The following PGCKA1 variants were observed in gnomAD, a reference collection of about 807,000 sequenced individuals.
PGCKA1 encodes the protein PDCD10 and GCKIII kinases-associated protein 1.
the PGCKA1 span, among the ~76,000 whole-genome samples, chr4:37,473,972 G>C: frequency 6.6e-6 from 1 of 152,164 alleles, no homozygotes; most frequent in Non-Finnish European, 1.5e-5. Context: ...CCACTGATGT[G>C]CTCTCCTTTC....
chr4:37,554,664 A>C, the PGCKA1 span, among the ~76,000 whole-genome samples: 112 of 152,324 alleles, frequency 7.4e-4, no homozygotes, highest in African/African-American at 2.4e-3. Flanking sequence ...TATTTTAAAT[A>C]GAGTAATTAC....
the PGCKA1 span, among the ~76,000 whole-genome samples, chr4:37,501,202 T>C: frequency 1.3e-5 from 2 of 152,020 alleles, no homozygotes; most frequent in African/African-American, 4.8e-5. Context: ...GGTTGCTTTA[T>C]AGCAGGGGTC....
At chr4:37,460,193 T>C in the PGCKA1 span, among the ~76,000 whole-genome samples, 1 of 152,250 alleles carries the variant, frequency 6.6e-6, no homozygotes, top group Admixed American at 6.5e-5. Flanking sequence ...CTGTATAGTA[T>C]TCTGTGGTGT....
the PGCKA1 span, among the ~76,000 whole-genome samples, chr4:37,544,838 T>TC: frequency 6.6e-6 from 1 of 151,950 alleles, no homozygotes; most frequent in African/African-American, 2.4e-5. Context: ...GGTTCTTTTT[T>TC]GTTTTTTTTT....
chr4:37,498,990 T>G, the PGCKA1 span, among the ~76,000 whole-genome samples: 519 of 152,332 alleles, frequency 3.4e-3, 5 homozygotes, highest in African/African-American at 0.012. Context: ...TATTTTGAAG[T>G]ATGTTCCTTC....
At chr4:37,497,844 G>A in the PGCKA1 span, among the ~76,000 whole-genome samples, 1 of 152,186 alleles carries the variant, frequency 6.6e-6, no homozygotes, top group Admixed American at 6.5e-5. Context: ...TGTTTACTCT[G>A]CTGACTGTTC....
the PGCKA1 span, among the ~76,000 whole-genome samples, chr4:37,508,683 C>CTTTTTTTTTTTTTTTTTTTTTTT: frequency 3.5e-3 from 294 of 84,432 alleles, 24 homozygotes; most frequent in Non-Finnish European, 4.7e-3. Flanking sequence ...TTTGCTGAAT[C>CTTTTTTTTTTTTTTTTTTTTTTT]TTTTTTTTAG....
At chr4:37,469,026 T>C in the PGCKA1 span, among the ~76,000 whole-genome samples, 1 of 152,204 alleles carries the variant, frequency 6.6e-6, no homozygotes, top group Non-Finnish European at 1.5e-5. Context: ...CTTAAGATTA[T>C]AATACCGTAT....
At chr4:37,565,931 G>A in the PGCKA1 span, among the ~76,000 whole-genome samples, 1 of 152,140 alleles carries the variant, frequency 6.6e-6, no homozygotes, top group African/African-American at 2.4e-5. Flanking sequence ...GTCAAAAGGT[G>A]AGACTAGCCT....
chr4:37,591,523 A>G, the PGCKA1 span: 1 of 152,668 alleles, frequency 6.6e-6, no homozygotes, highest in Non-Finnish European at 1.5e-5. Flanking sequence ...CACCCAGGGA[A>G]CTAATAACTA....
the PGCKA1 span, among the ~76,000 whole-genome samples, chr4:37,581,655 C>G: frequency 6.6e-6 from 1 of 152,100 alleles, no homozygotes; most frequent in East Asian, 1.9e-4. This position sits in a 1 kb window ranked among gnomAD's most constrained non-coding sequence, Gnocchi z 4.4. Flanking sequence ...CTGTCTTTTC[C>G]TCAAGCACAA....
the PGCKA1 span, among the ~76,000 whole-genome samples, chr4:37,587,440 A>C: frequency 7.7e-3 from 1,171 of 152,252 alleles, 21 homozygotes; most frequent in African/African-American, 0.027. Context: ...ATGTAAATCT[A>C]GTCCCTTTTA....
chr4:37,590,017 GA>G, the PGCKA1 span: 136 of 1,076,242 alleles, frequency 1.3e-4, 1 homozygote, highest in African/African-American at 2.0e-3. Context: ...ATCGTAGAAA[GA>G]AGCAGGGCCT....
the PGCKA1 span, among the ~76,000 whole-genome samples, chr4:37,518,367 C>T: frequency 2.0e-5 from 3 of 152,168 alleles, no homozygotes; most frequent in Admixed American, 6.5e-5. Context: ...ATAGTCGTTG[C>T]ACTAATTTAC....
chr4:37,460,565 GA>G, the PGCKA1 span: 1 of 453,004 alleles, frequency 2.2e-6, no homozygotes, highest in Non-Finnish European at 4.4e-6. Context: ...TTGTGGTTTT[GA>G]TTTGCATTTG....
At chr4:37,572,207 C>T in the PGCKA1 span, among the ~76,000 whole-genome samples, 1 of 150,196 alleles carries the variant, frequency 6.7e-6, no homozygotes, top group Non-Finnish European at 1.5e-5. Context: ...GGACTACAGG[C>T]GCCCGCCACT....
chr4:37,507,196 T>C, the PGCKA1 span, among the ~76,000 whole-genome samples: 7 of 152,148 alleles, frequency 4.6e-5, no homozygotes, highest in Non-Finnish European at 1.0e-4. Flanking sequence ...GTATTTCTTA[T>C]AGGCAACAGA....
the PGCKA1 span, among the ~76,000 whole-genome samples, chr4:37,568,509 A>G: frequency 1.3e-5 from 2 of 152,172 alleles, no homozygotes; most frequent in East Asian, 1.9e-4. Context: ...TTCTGTCCCA[A>G]TCTCACAGTT....
At chr4:37,567,448 C>T in the PGCKA1 span, among the ~76,000 whole-genome samples, 2 of 152,146 alleles carry the variant, frequency 1.3e-5, no homozygotes, top group Admixed American at 6.5e-5. Context: ...TATCATCATT[C>T]GCGTGTTGCA....
Sources: gnomAD v4.1 joint callset for allele counts (sites outside exome capture counted in the v4.1 genomes callset) on GRCh38, gnomAD v4.1.1 for gene constraint, Gnocchi (gnomAD v3.1) non-coding constraint, MANE v1.5 for transcripts, NCBI Gene and HGNC (gene_info 2026-07-23, HGNC 2026-07-21) for gene names.